Variants in RELN observed in about 807,000 individuals in gnomAD.
RELN encodes the protein reelin.
A neutral mutation model predicts 427.6 loss-of-function variants in RELN; 108 were observed. The ratio of observed to expected loss-of-function variants is 0.25; its 90% CI spans 0.22 to 0.30. The LOEUF (loss-of-function observed/expected upper bound fraction) is 0.30. Among genes scored for constraint, RELN ranks in the 10% least tolerant of loss-of-function variants. RELN has a pLI of 1.00. For synonymous variants in RELN, 1,524 were observed against 1,513.4 expected, an observed-to-expected ratio of 1.01 and a Z score of -0.16; for missense variants, 3,715 against 4,302.8, an observed-to-expected ratio of 0.86 and a Z score of 3.82.
chr7:103,825,019 G>A (rs959242807), intron 3 of RELN, among the ~76,000 whole-genome samples: 2 of 151,810 alleles, frequency 1.3e-5, no homozygotes, highest in Non-Finnish European at 2.9e-5. Context: ...AACTTAGTAG[G>A]CTGCCTGGTA....
chr7:103,572,462 C>A (rs1338474186), intron 30 of RELN, among the ~76,000 whole-genome samples: 1 of 152,098 alleles, frequency 6.6e-6, no homozygotes, highest in East Asian at 1.9e-4. Flanking sequence ...TTAATATGAC[C>A]ATTCATTTTA....
chr7:103,903,966 C>T (rs1377448748), intron 2 of RELN, among the ~76,000 whole-genome samples: 1 of 152,014 alleles, frequency 6.6e-6, no homozygotes, highest in South Asian at 2.1e-4. Flanking sequence ...TTAAGCTCCA[C>T]GTACATTAGC....
chr7:103,746,813 G>C (rs1434534096), intron 6 of RELN, among the ~76,000 whole-genome samples: 2 of 150,814 alleles, frequency 1.3e-5, no homozygotes, highest in Non-Finnish European at 2.9e-5. Context: ...TACACTGTTG[G>C]TGGGACTGTA....
At chr7:103,509,840 A>T (rs1829342023) in intron 51 of RELN, among the ~76,000 whole-genome samples, 2 of 152,236 alleles carry the variant, frequency 1.3e-5, no homozygotes, top group Non-Finnish European at 2.9e-5. Context: ...GGATATGAAC[A>T]GACACTTCTC....
At chr7:103,768,016 C>T (rs1329472064) in intron 4 of RELN, among the ~76,000 whole-genome samples, 1 of 152,164 alleles carries the variant, frequency 6.6e-6, no homozygotes, top group Non-Finnish European at 1.5e-5. Context: ...CTCATGTTTA[C>T]TGTCTGTCTC....
At chr7:103,683,091 A>T (rs546209133) in intron 10 of RELN, among the ~76,000 whole-genome samples, 113 of 152,314 alleles carry the variant, frequency 7.4e-4, no homozygotes, top group African/African-American at 2.6e-3. Context: ...AAGCTAAAAC[A>T]ATAAAAAGGA....
chr7:103,532,844 T>C (rs1829970845), intron 46 of RELN, among the ~76,000 whole-genome samples: 1 of 152,166 alleles, frequency 6.6e-6, no homozygotes, highest in South Asian at 2.1e-4. Context: ...ACTTAGAGCA[T>C]CATGTACCTG....
intron 4 of RELN, among the ~76,000 whole-genome samples, chr7:103,773,156 C>CTTTCTTTCTT (rs1791626309): frequency 8.0e-6 from 1 of 125,114 alleles, no homozygotes; most frequent in African/African-American, 3.0e-5. Flanking sequence ...TTCTTTCTTT[C>CTTTCTTTCTT]TTTCTTTCTT....
intron 4 of RELN, among the ~76,000 whole-genome samples, chr7:103,771,025 T>C (rs1791556309): frequency 6.6e-6 from 1 of 151,200 alleles, no homozygotes; most frequent in Non-Finnish European, 1.5e-5. Flanking sequence ...AGCGATTCTC[T>C]TGTACTCGGC....
At chr7:103,586,599 C>T (rs1333572426) in intron 28 of RELN, among the ~76,000 whole-genome samples, 1 of 152,068 alleles carries the variant, frequency 6.6e-6, no homozygotes, top group East Asian at 1.9e-4. Context: ...CAAATTATTT[C>T]TGTTCACTGA....
chr7:103,539,871 C>T (rs1053538832), intron 44 of RELN, among the ~76,000 whole-genome samples: 4 of 152,204 alleles, frequency 2.6e-5, no homozygotes, highest in African/African-American at 9.6e-5. Context: ...GGCACCAATG[C>T]TAATTTGCAC....
intron 3 of RELN, among the ~76,000 whole-genome samples, chr7:103,791,699 A>C (rs1792165018): frequency 6.6e-6 from 1 of 152,160 alleles, no homozygotes; most frequent in South Asian, 2.1e-4. Context: ...TATAACATGA[A>C]AGGTGAAAGA....
At chr7:103,743,073 AC>A (rs1416434692) in intron 6 of RELN, among the ~76,000 whole-genome samples, 4 of 148,966 alleles carry the variant, frequency 2.7e-5, no homozygotes, top group African/African-American at 1.0e-4. Context: ...CTCAGCAGAA[AC>A]TCTCCAAGCC....
intron 20 of RELN, among the ~76,000 whole-genome samples, chr7:103,616,453 T>C (rs1280841323): frequency 6.6e-6 from 1 of 152,126 alleles, no homozygotes; most frequent in African/African-American, 2.4e-5. Context: ...CACTTGTTAT[T>C]TCTATGGTAT....
chr7:103,862,411 CTATCTATCT>C (rs755147559), intron 2 of RELN, among the ~76,000 whole-genome samples: 250 of 53,498 alleles, frequency 4.7e-3, no homozygotes, highest in Non-Finnish European at 8.8e-3. Flanking sequence ...TGCTTTTGTT[CTATCTATCT>C]ATCTATCTAT....
At chr7:103,825,187 C>A (rs528427169) in intron 3 of RELN, among the ~76,000 whole-genome samples, 1 of 151,934 alleles carries the variant, frequency 6.6e-6, no homozygotes, top group South Asian at 2.1e-4. Context: ...AGTTTTCATG[C>A]GTAAGGGCAC....
intron 3 of RELN, among the ~76,000 whole-genome samples, chr7:103,809,138 T>G (rs1242238058): frequency 6.6e-6 from 1 of 152,202 alleles, no homozygotes; most frequent in Non-Finnish European, 1.5e-5. Flanking sequence ...ATTACAATTC[T>G]GAGGAGCATT....
intron 16 of RELN, among the ~76,000 whole-genome samples, chr7:103,647,264 A>G (rs892584541): frequency 6.6e-6 from 1 of 152,034 alleles, no homozygotes; most frequent in African/African-American, 2.4e-5. Context: ...ATATAAAGTC[A>G]AATTATCTCC....
intron 3 of RELN, among the ~76,000 whole-genome samples, chr7:103,784,538 A>C (rs1791969524): frequency 6.6e-6 from 1 of 152,150 alleles, no homozygotes; most frequent in Non-Finnish European, 1.5e-5. Flanking sequence ...TTTTATCAGA[A>C]ATTTTCCTGG....
Sources: gnomAD v4.1 joint callset for allele counts (sites outside exome capture counted in the v4.1 genomes callset) on GRCh38, gnomAD v4.1.1 for gene constraint, MANE v1.5 for transcripts, NCBI Gene and HGNC (gene_info 2026-07-23, HGNC 2026-07-21) for gene names.